The following BTF3L4 variants were observed in gnomAD, a reference collection of about 807,000 sequenced individuals.
The protein encoded by BTF3L4 is basic transcription factor 3 like 4, also known as transcription factor BTF3 homolog 4.
A neutral mutation model predicts 16.8 loss-of-function variants in BTF3L4; 6 were observed. The observed-to-expected ratio is 0.36, with a 90% CI of 0.20 to 0.71. BTF3L4 has a LOEUF of 0.71. BTF3L4 is among the 30% of genes least tolerant of loss of function. BTF3L4 has a pLI of 0.58. For missense variants in BTF3L4, 92 were observed against 186.9 expected, an observed-to-expected ratio of 0.49 and a Z score of 2.96; for synonymous variants, 39 against 59.8, an observed-to-expected ratio of 0.65 and a Z score of 1.60.
chr1:52,073,493 T>TACACACACACACAC lies in BTF3L4; in HGVS notation c.168+8579_168+8592dup, dbSNP rs142147737. ...ATATATGCACTATATATATGCTACA[T>TACACACACACACAC]ACACACACACACACACACACACACA... On this transcript the variant is annotated intron_variant, in intron 3 of 5. Coordinates refer to ENST00000313334, the MANE Select transcript of BTF3L4 (RefSeq NM_152265.5). Among the ~76,000 whole-genome samples, 143 of 139,344 alleles carry TACACACACACACAC rather than the reference T, an allele frequency of 1.0e-3. 1 individual carries two copies. The highest frequency in any genetic ancestry group is 3.6e-3 in the African/African-American group (136 of 37,598). The allele number at this position is 139,344 out of a possible 152,430, so 91.4% of individuals were successfully genotyped here.
intron 3 of BTF3L4, among the ~76,000 whole-genome samples, chr1:52,080,028 C>T (rs1643904590): frequency 6.6e-6 from 1 of 151,752 alleles, no homozygotes; most frequent in Admixed American, 6.6e-5. Context: ...CCCACCACCA[C>T]ACCCAGATGA....
chr1:52,078,822 A>G (rs1486134018), intron 3 of BTF3L4, among the ~76,000 whole-genome samples: 1 of 152,110 alleles, frequency 6.6e-6, no homozygotes, highest in Non-Finnish European at 1.5e-5. Flanking sequence ...CTCAAGTGGC[A>G]TCCTTTACCT....
At chr1:52,073,448 ACACTATATATATGCACTATATATATG>A (rs1187969419) in intron 3 of BTF3L4, among the ~76,000 whole-genome samples, 1 of 150,802 alleles carries the variant, frequency 6.6e-6, no homozygotes, top group Non-Finnish European at 1.5e-5. Context: ...ATCTTTATGT[ACACTATATATATGCACTATATATATG>A]CACTATATAT....
chr1:52,060,592 A>G (rs1183691896), intron 2 of BTF3L4: 33 of 1,159,846 alleles, frequency 2.8e-5, no homozygotes, highest in Non-Finnish European at 3.3e-5. Context: ...TATTCTACCC[A>G]TATCTCTGCC....
At chr1:52,058,341 A>G (rs1473983217) in intron 1 of BTF3L4, among the ~76,000 whole-genome samples, 1 of 152,256 alleles carries the variant, frequency 6.6e-6, no homozygotes, top group Non-Finnish European at 1.5e-5. Context: ...CATTAGCCTT[A>G]AAGAAGAGAT....
intron 3 of BTF3L4, among the ~76,000 whole-genome samples, chr1:52,069,998 C>G (rs1440290708): frequency 6.6e-6 from 1 of 152,064 alleles, no homozygotes; most frequent in African/African-American, 2.4e-5. Flanking sequence ...AGGTGGATCA[C>G]CTGAGGTCAG....
rs1323610983 is a variant in BTF3L4 at position 52,090,346 on chromosome 1, C to T, written c.*3588C>T. On this transcript the variant is annotated 3_prime_UTR_variant, in exon 6 of 6. Coordinates refer to ENST00000313334, the MANE Select transcript of BTF3L4 (RefSeq NM_152265.5). ...CTCCTAAGCTATGGCTTAGATTTTC[C>T]GAAGCTCATGGTTCTAGGCACAGAA... 6.6e-6 allele frequency: 1 copy of T among 152,102 alleles called. No homozygotes were observed. The highest frequency in any genetic ancestry group is 1.9e-4 in the East Asian group (1 of 5,202). The allele number at this position is 152,102 out of a possible 1,614,324, so 9.4% of individuals were successfully genotyped here.
intron 3 of BTF3L4, among the ~76,000 whole-genome samples, chr1:52,081,997 G>C (rs1363964233): frequency 6.6e-6 from 1 of 152,144 alleles, no homozygotes; most frequent in Non-Finnish European, 1.5e-5. Context: ...GCTTGATTTT[G>C]ACAGGGCAGA....
In BTF3L4 at chr1:52,089,936, G is replaced by A. The variant is rs1457405493; in HGVS notation, c.*3178G>A. ...CCCATATCTGCGATATGTTTGATTTGTTTCTTTGTTTTAATTCAGTGTTTA... is the reference window on the plus strand; with the variant it reads ...CCCATATCTGCGATATGTTTGATTTATTTCTTTGTTTTAATTCAGTGTTTA... On this transcript the variant is annotated 3_prime_UTR_variant, in exon 6 of 6. Transcript: ENST00000313334. 1.3e-5 allele frequency: 2 copies of A among 152,090 alleles called. No homozygotes were observed. The highest frequency in any genetic ancestry group is 2.4e-5 in the African/African-American group (1 of 41,412). 9.4% of individuals were successfully genotyped at this position (152,090 alleles called of 1,614,324 possible).
At chr1:52,059,192 G>A (rs1397455725) in intron 1 of BTF3L4, among the ~76,000 whole-genome samples, 1 of 152,088 alleles carries the variant, frequency 6.6e-6, no homozygotes, top group Non-Finnish European at 1.5e-5. Flanking sequence ...ATCAGTGCAG[G>A]GTATTGAATG....
chr1:52,087,961 T>C lies in BTF3L4; in HGVS notation c.*1203T>C, dbSNP rs1323631606. ...CCTCCTGCATGCTTAGAATAATGCT[T>C]TGAGGGGAGCACTGGTAAAACACAG... On this transcript the variant is annotated 3_prime_UTR_variant, in exon 6 of 6. Transcript: ENST00000313334. The C allele has an allele frequency of 1.3e-5, 2 of 152,614 alleles. No individual in the cohort carries two copies. Among genetic ancestry groups the C allele is most frequent in the African/African-American group, 4.8e-5 (2 of 41,442 alleles). The allele number at this position is 152,614 out of a possible 1,614,324, so 9.5% of individuals were successfully genotyped here.
chr1:52,089,567 T>C lies in BTF3L4; in HGVS notation c.*2809T>C, dbSNP rs747303659. ...TGTGCTTCTTACTAAGATTAGGTAT[T>C]TTTTGCCAAGATAACAATGATAAAA... On this transcript the variant is annotated 3_prime_UTR_variant, in exon 6 of 6. Transcript: ENST00000313334. 1 of 152,190 alleles carries C rather than the reference T, an allele frequency of 6.6e-6. No individual in the cohort carries two copies. Among genetic ancestry groups the C allele is most frequent in the Non-Finnish European group, 1.5e-5 (1 of 68,038 alleles). 9.4% of individuals were successfully genotyped at this position (152,190 alleles called of 1,614,324 possible). A position where few individuals can be genotyped will look rare whatever the true frequency, so the allele number is the denominator to read the frequency against.
chr1:52,061,487 C>CAAAAAAA (rs1169709967), intron 2 of BTF3L4, among the ~76,000 whole-genome samples: 1 of 48,176 alleles, frequency 2.1e-5, no homozygotes, highest in Non-Finnish European at 4.6e-5. Context: ...GACTCCGTCT[C>CAAAAAAA]AAAAAAAAAA....
At chr1:52,083,196 G>A (rs370518293) in intron 3 of BTF3L4, 144 bp from the exon 4 acceptor site, 13 of 648,266 alleles carry the variant, frequency 2.0e-5, no homozygotes, top group East Asian at 1.7e-4. Flanking sequence ...CTTTTTCCAC[G>A]AATGTCCGTT....
chr1:52,082,341 T>TA (rs892218668), intron 3 of BTF3L4, among the ~76,000 whole-genome samples: 1 of 152,230 alleles, frequency 6.6e-6, no homozygotes, highest in African/African-American at 2.4e-5. Flanking sequence ...AAAGGTTTCC[T>TA]AGTTGATAAA....
intron 3 of BTF3L4, among the ~76,000 whole-genome samples, chr1:52,074,003 A>G (rs1458624172): frequency 2.6e-5 from 4 of 151,920 alleles, no homozygotes; most frequent in African/African-American, 9.7e-5. Flanking sequence ...TCTCAAAAAA[A>G]GAAAAAAATG....
chr1:52,060,579 G>T, intron 2 of BTF3L4: 1 of 1,192,278 alleles, frequency 8.4e-7, no homozygotes, highest in Non-Finnish European at 1.1e-6. Context: ...GGCTCAAGGA[G>T]AATATTCTAC....
At chr1:52,086,403 G>A in intron 5 of BTF3L4, 1 of 488,060 alleles carries the variant, frequency 2.0e-6, no homozygotes, top group Non-Finnish European at 3.6e-6. Context: ...TGAAATCACT[G>A]TGATTATAAA....
In BTF3L4 at chr1:52,083,550, T is replaced by G; in HGVS notation, c.370+9T>G. 6.2e-7 allele frequency: 1 copy of G among 1,606,058 alleles called. No homozygotes were observed. Among genetic ancestry groups the G allele is most frequent in the Non-Finnish European group, 8.5e-7 (1 of 1,173,542 alleles). On this transcript the variant is annotated intron_variant, in intron 4 of 5. Coordinates refer to ENST00000313334, the MANE Select transcript of BTF3L4 (RefSeq NM_152265.5). ...ACAGTTCCCACGGCAAGGTAGGTAT[T>G]TCAATTTAGTAAATCTTTCTCTCCC...
Sources: allele counts gnomAD v4.1 joint callset (sites outside exome capture counted in the v4.1 genomes callset), GRCh38; gene constraint gnomAD v4.1.1; transcripts MANE v1.5; gene names NCBI Gene and HGNC (gene_info 2026-07-23, HGNC 2026-07-21).